FOXP1: variants seen among roughly 807,000 people sequenced by gnomAD.
The protein encoded by FOXP1 is forkhead box protein P1.
In FOXP1, 15 loss-of-function variants were observed where a neutral mutation model predicts 98.2. The ratio of observed to expected loss-of-function variants is 0.15; its 90% CI spans 0.10 to 0.24. The LOEUF (loss-of-function observed/expected upper bound fraction) is 0.24, where lower values mean the gene tolerates loss of function less well. FOXP1 is among the 10% of genes least tolerant of loss of function. The pLI is 1.00. For missense variants in FOXP1, 633 were observed against 848.5 expected (o/e 0.75, Z 3.15); for synonymous variants, 371 against 314.5 (o/e 1.18, Z -1.90).
intron 6 of FOXP1, among the ~76,000 whole-genome samples, chr3:71,126,850 A>G (rs1403337869): frequency 1.0e-5 from 1 of 96,088 alleles, no homozygotes; most frequent in African/African-American, 3.6e-5. Context: ...CAAACAAACC[A>G]AAAAGAAAAA....
In FOXP1 at chr3:71,278,006, G is replaced by A. The variant is rs76671413; in HGVS notation, c.-12+21814C>T. Among the ~76,000 whole-genome samples, 1,403 of 152,174 alleles carry A rather than the reference G, an allele frequency of 9.2e-3. 24 individuals are homozygous for A. The highest frequency in any genetic ancestry group is 0.032 in the African/African-American group (1,343 of 41,504). ...TGTGATCAAAGCATGAGAAAATGAA[G>A]AGTGTGGTCACTTGGATTGCCTACT... On this transcript the variant is annotated intron_variant, in intron 5 of 20. Transcript: ENST00000649528.
In FOXP1 at chr3:71,168,002, TA is replaced by T. The variant is rs773322438; in HGVS notation, c.180+30199del. Among the ~76,000 whole-genome samples the T allele has an allele frequency of 6.6e-5, 10 of 152,356 alleles. No homozygotes were observed. In the East Asian group the frequency reaches 1.9e-3, roughly 29 times the overall value. ...GCCTTAAGTTATTCTTTGAGATTTG[TA>T]TGCTGGGTTTTCATCCAAATTTCAT... is the stretch of plus-strand genomic sequence containing the variant. On this transcript the variant is annotated intron_variant, in intron 6 of 20. Coordinates refer to ENST00000649528, the MANE Select transcript of FOXP1 (RefSeq NM_001349338.3).
At position 70,977,815 on chromosome 3, in the gene FOXP1, G is replaced by C; in HGVS notation, c.1348+13C>G. The C allele has an allele frequency of 1.2e-6, 2 of 1,613,780 alleles. No individual in the cohort carries two copies. Among genetic ancestry groups the C allele is most frequent in the Non-Finnish European group, 1.7e-6 (2 of 1,179,638 alleles). ...ATTACAACTCTACGTGAGGCAAAAG[G>C]TGGAGTATCTACCTGACGAAATGGG... On this transcript the variant is annotated intron_variant, in intron 15 of 20. Coordinates refer to ENST00000649528, the MANE Select transcript of FOXP1 (RefSeq NM_001349338.3).
At chr3:71,346,452 T>C (rs527626961) in intron 4 of FOXP1, among the ~76,000 whole-genome samples, 4 of 152,328 alleles carry the variant, frequency 2.6e-5, no homozygotes, top group South Asian at 2.1e-4. Context: ...GAAGAGGTGG[T>C]TGTTTTCATC....
At chr3:71,151,548 T>C (rs2108067861) in intron 6 of FOXP1, among the ~76,000 whole-genome samples, 1 of 152,130 alleles carries the variant, frequency 6.6e-6, no homozygotes, top group East Asian at 1.9e-4. Context: ...GAAGGAACAT[T>C]TCAAGGGCAA....
At chr3:71,059,090 T>C (rs970988642) in intron 7 of FOXP1, among the ~76,000 whole-genome samples, 8 of 152,300 alleles carry the variant, frequency 5.3e-5, no homozygotes, top group African/African-American at 1.9e-4. Flanking sequence ...TCAGTAACAA[T>C]ACAACCAACT....
chr3:71,094,629 A>C (rs72947447), intron 7 of FOXP1, among the ~76,000 whole-genome samples: 4,944 of 152,238 alleles, frequency 0.032, 272 homozygotes, highest in African/African-American at 0.11. Flanking sequence ...TCCCACTAAA[A>C]GTTTCAGGTC....
chr3:71,317,890 T>C (rs1346947377), intron 4 of FOXP1, among the ~76,000 whole-genome samples: 1 of 152,180 alleles, frequency 6.6e-6, no homozygotes, highest in African/African-American at 2.4e-5. Flanking sequence ...AAAAATGATA[T>C]GAGCAAGAAC....
At chr3:71,134,567 T>C (rs996717875) in intron 6 of FOXP1, among the ~76,000 whole-genome samples, 1 of 152,152 alleles carries the variant, frequency 6.6e-6, no homozygotes, top group African/African-American at 2.4e-5. Context: ...AAACATATAC[T>C]ACAGTAGGAA....
chr3:71,056,248 G>T (rs2050624027), intron 7 of FOXP1, among the ~76,000 whole-genome samples: 1 of 152,146 alleles, frequency 6.6e-6, no homozygotes, highest in African/African-American at 2.4e-5. Context: ...GGTAAAACTA[G>T]AAGCATCTTC....
chr3:71,501,919 C>T (rs554054215), intron 2 of FOXP1, among the ~76,000 whole-genome samples: 6 of 152,236 alleles, frequency 3.9e-5, no homozygotes, highest in African/African-American at 1.4e-4. Flanking sequence ...TGGTTTCTTT[C>T]GCAGAGTGAG....
At chr3:71,050,606 G>T (rs2107071097) in intron 9 of FOXP1, among the ~76,000 whole-genome samples, 1 of 152,312 alleles carries the variant, frequency 6.6e-6, no homozygotes, top group Non-Finnish European at 1.5e-5. Flanking sequence ...ATTCAAAAAA[G>T]CAACAGCAGA....
At chr3:71,073,385 AT>A (rs753196140) in intron 7 of FOXP1, among the ~76,000 whole-genome samples, 3 of 152,060 alleles carry the variant, frequency 2.0e-5, no homozygotes, top group Non-Finnish European at 4.4e-5. Context: ...TGGGGCTTAT[AT>A]TTTAACAGCA....
chr3:71,491,262 C>T (rs1202373847), intron 3 of FOXP1, among the ~76,000 whole-genome samples: 1 of 152,168 alleles, frequency 6.6e-6, no homozygotes, highest in Non-Finnish European at 1.5e-5. Flanking sequence ...GTGACCTACC[C>T]ACCTCGGCCT....
chr3:71,082,861 C>G (rs2054598735), intron 7 of FOXP1, among the ~76,000 whole-genome samples: 1 of 152,186 alleles, frequency 6.6e-6, no homozygotes, highest in African/African-American at 2.4e-5. Flanking sequence ...CGCTAACCAG[C>G]TGACTGGCTA....
At chr3:71,186,289 AC>A (rs2062638894) in intron 6 of FOXP1, among the ~76,000 whole-genome samples, 2 of 152,224 alleles carry the variant, frequency 1.3e-5, no homozygotes, top group Admixed American at 6.5e-5. Context: ...TCTTTTAACC[AC>A]CAATAACGTC....
At chr3:71,102,876 C>G (rs2057090493) in intron 7 of FOXP1, among the ~76,000 whole-genome samples, 1 of 152,156 alleles carries the variant, frequency 6.6e-6, no homozygotes, top group South Asian at 2.1e-4. Context: ...AGCTCTGCCA[C>G]TTATCAGCTG....
intron 5 of FOXP1, among the ~76,000 whole-genome samples, chr3:71,235,975 A>G (rs1576518373): frequency 6.6e-6 from 1 of 152,356 alleles, no homozygotes; most frequent in South Asian, 2.1e-4. Context: ...GCATCTATTT[A>G]CCTAAGACAA....
In FOXP1 at chr3:71,538,805, G is replaced by A. The variant is rs2044522689; in HGVS notation, c.-298+42744C>T. On this transcript the variant is annotated intron_variant, in intron 2 of 20. Coordinates refer to ENST00000649528, the MANE Select transcript of FOXP1 (RefSeq NM_001349338.3). ...TTTATTCCTATAATTTCTTCTAAGAGTTTTCTATATTTAGGTCTTAATACT... is the reference window on the plus strand; with the variant it reads ...TTTATTCCTATAATTTCTTCTAAGAATTTTCTATATTTAGGTCTTAATACT... 2.6e-5 allele frequency among the ~76,000 whole-genome samples: 4 copies of A among 152,136 alleles called. No homozygotes were observed. The South Asian group carries it at 8.3e-4, about 32-fold the overall frequency.
Sources: allele counts gnomAD v4.1 joint callset (sites outside exome capture counted in the v4.1 genomes callset), GRCh38; gene constraint gnomAD v4.1.1; transcripts MANE v1.5; gene names NCBI Gene and HGNC (gene_info 2026-07-23, HGNC 2026-07-21).